HES5: variants seen among roughly 807,000 people sequenced by gnomAD.
The protein encoded by HES5 is hes family bHLH transcription factor 5.
HES5 carries 12 observed loss-of-function variants against 9.6 expected under a neutral mutation model. The observed-to-expected ratio is 1.25, with a 90% CI of 0.80 to 2.03. The LOEUF (loss-of-function observed/expected upper bound fraction) is 2.03. HES5 is among the 30% of genes most tolerant of loss of function. The pLI is 0.00. For synonymous variants in HES5, 131 were observed against 102.4 expected, an observed-to-expected ratio of 1.28 and a Z score of -1.69; for missense variants, 255 against 218.6, an observed-to-expected ratio of 1.17 and a Z score of -1.05.
intron 1 of HES5, 35 bp from the exon 2 acceptor site, chr1:2,530,046 C>CGGCGCAGGGACCCCCGAGGACCGGAG: frequency 1.2e-6 from 2 of 1,601,864 alleles, no homozygotes; most frequent in Non-Finnish European, 1.7e-6. Context: ...TGGCCCGGCA[C>CGGCGCAGGGACCCCCGAGGACCGGAG]GGCGCAGGGA....
chr1:2,530,035 C>G, intron 1 of HES5, 24 bp from the exon 2 acceptor site: 1 of 1,603,140 alleles, frequency 6.2e-7, no homozygotes, highest in Non-Finnish European at 8.5e-7. Flanking sequence ...GGGTGTCAGG[C>G]TGGCCCGGCA....
rs1302318042 is a variant in HES5 at position 2,529,683 on chromosome 1, A to G, written c.287T>C (p.Leu96Pro). 2 of 1,312,156 alleles carry G rather than the reference A, an allele frequency of 1.5e-6. No individual in the cohort carries two copies. The highest frequency in any genetic ancestry group is 3.0e-5 in the Admixed American group (1 of 33,764). 81.3% of individuals were successfully genotyped at this position (1,312,156 alleles called of 1,614,324 possible). The change falls in exon 3 of 3, where the codon CTG becomes CCG. Residue 96 changes from leucine to proline, a missense_variant. Physicochemically the swap from Leu to Pro is moderately conservative, Grantham distance 98. Transcript: ENST00000378453. This position sits in a 1 kb window ranked among gnomAD's most constrained non-coding sequence, Gnocchi z 4.5. ...QDYSEGYSWC[L>P]QEAVQFLTLH... ...CGTCAGGAACTGCACGGCCTCCTGC[A>G]GGCACCACGAGTAGCCTTCGCTGTA...
Position 2,530,194 on chromosome 1 carries a change from G to A in HES5, c.-30C>T. 1 of 1,466,932 alleles carries A rather than the reference G, an allele frequency of 6.8e-7. No individual in the cohort carries two copies. Among genetic ancestry groups the A allele is most frequent in the Non-Finnish European group, 9.1e-7 (1 of 1,103,750 alleles). 90.9% of individuals were successfully genotyped at this position (1,466,932 alleles called of 1,614,324 possible). A position where few individuals can be genotyped will look rare whatever the true frequency, so the allele number is the denominator to read the frequency against. On this transcript the variant is annotated 5_prime_UTR_variant, in exon 1 of 3. Coordinates refer to ENST00000378453, the MANE Select transcript of HES5 (RefSeq NM_001010926.4). ...GGCGCGGAACAGGCGACGAGGCGAC[G>A]CGGGGAGGCCGGGCGAGACGAGGCG...
At position 2,530,193 on chromosome 1, in the gene HES5, C is replaced by G. The variant is rs1187245389; in HGVS notation, c.-29G>C. 5 of 1,463,272 alleles carry G rather than the reference C, an allele frequency of 3.4e-6. No individual in the cohort carries two copies. The highest frequency in any genetic ancestry group is 4.5e-6 in the Non-Finnish European group (5 of 1,101,626). 90.6% of individuals were successfully genotyped at this position (1,463,272 alleles called of 1,614,324 possible). On this transcript the variant is annotated 5_prime_UTR_variant, in exon 1 of 3. Coordinates refer to ENST00000378453, the MANE Select transcript of HES5 (RefSeq NM_001010926.4). ...TGGCGCGGAACAGGCGACGAGGCGA[C>G]GCGGGGAGGCCGGGCGAGACGAGGC...
Position 2,530,127 on chromosome 1 carries a change from G to A in HES5, c.38C>T (p.Pro13Leu). 1 of 1,557,188 alleles carries A rather than the reference G, an allele frequency of 6.4e-7. No individual in the cohort carries two copies. Among genetic ancestry groups the A allele is most frequent in the East Asian group, 2.4e-5 (1 of 41,262 alleles). Residue 13 changes from proline (P) to leucine (L), a missense_variant, in exon 1 of 3, where the codon CCC (proline) becomes CTC (leucine). Physicochemically the swap from Pro to Leu is moderately conservative, Grantham distance 98. Coordinates refer to ENST00000378453, the MANE Select transcript of HES5 (RefSeq NM_001010926.4). ...GGTACTTACTCGGTTTTTCTCTTTG[G>A]GGCTGAGCAGCTCCACGGCCACAGT... ...PSTVAVELLS[P>L]KEKNRLRKPV...
Position 2,530,106 on chromosome 1 carries a change from C to CT in HES5, c.54+4dup. ...GACAGCGCGCCGGGCGAGTCTGGTA[C>CT]TTACTCGGTTTTTCTCTTTGGGGCT... On this transcript the variant is annotated splice_donor_region_variant and intron_variant, in intron 1 of 2. Transcript: ENST00000378453. The CT allele has an allele frequency of 6.3e-7, 1 of 1,580,556 alleles. No individual in the cohort carries two copies. Among genetic ancestry groups the CT allele is most frequent in the Non-Finnish European group, 8.6e-7 (1 of 1,163,986 alleles).
chr1:2,529,219 A>G lies in HES5; in HGVS notation c.*250T>C, dbSNP rs1643971178. On this transcript the variant is annotated 3_prime_UTR_variant, in exon 3 of 3. Coordinates refer to ENST00000378453, the MANE Select transcript of HES5 (RefSeq NM_001010926.4). The surrounding 1 kb of genome is among the most constrained non-coding windows in gnomAD (Gnocchi z 4.5). ...AGAAGTCACTTGCTTAAATGCAAAC[A>G]CAGAACAACCCCATGGGGTCAGACA... 1.1e-5 allele frequency: 2 copies of G among 184,682 alleles called. No homozygotes were observed. The highest frequency in any genetic ancestry group is 4.8e-5 in the African/African-American group (2 of 42,054). 11.4% of individuals were successfully genotyped at this position (184,682 alleles called of 1,614,324 possible).
rs1396496794 is a variant in HES5 at position 2,528,850 on chromosome 1, A to G, written c.*619T>C. 1 of 152,500 alleles carries G rather than the reference A, an allele frequency of 6.6e-6. No homozygotes were observed. Among genetic ancestry groups the G allele is most frequent in the East Asian group, 1.9e-4 (1 of 5,314 alleles). 9.4% of individuals were successfully genotyped at this position (152,500 alleles called of 1,614,324 possible). On this transcript the variant is annotated 3_prime_UTR_variant, in exon 3 of 3. Coordinates refer to ENST00000378453, the MANE Select transcript of HES5 (RefSeq NM_001010926.4). ...TGAGTACAAAGTCGTGCCCACACGC[A>G]TCCACCCACACAGAGGAATCCTTTA...
Position 2,529,549 on chromosome 1 carries a change from G to T in HES5, c.421C>A (p.Pro141Thr). ...GTGGCCTTGGCGGAGAGCGCGGGCG[G>T]GGGCGCGGCGCCCGGCGCCTTGGGC... ...KEPKAPGAAP[P>T]PALSAKATAA... The change falls in exon 3 of 3, where the codon CCG becomes ACG. Residue 141 changes from proline (P) to threonine (T), a missense_variant. By Grantham distance (38) the Pro-to-Thr change is conservative. Coordinates refer to ENST00000378453, the MANE Select transcript of HES5 (RefSeq NM_001010926.4). This position sits in a 1 kb window ranked among gnomAD's most constrained non-coding sequence, Gnocchi z 4.5. The T allele has an allele frequency of 9.3e-7, 1 of 1,072,874 alleles. No homozygotes were observed. Among genetic ancestry groups the T allele is most frequent in the Non-Finnish European group, 1.1e-6 (1 of 884,694 alleles). 66.5% of individuals were successfully genotyped at this position (1,072,874 alleles called of 1,614,324 possible).
chr1:2,529,918 G>A lies in HES5; in HGVS notation c.148C>T (p.His50Tyr). 6.2e-7 allele frequency: 1 copy of A among 1,607,298 alleles called. No homozygotes were observed. The highest frequency in any genetic ancestry group is 8.5e-7 in the Non-Finnish European group (1 of 1,177,390). The change falls in exon 2 of 3, where the codon CAC (histidine) becomes TAC (tyrosine). Residue 50 changes from histidine (H) to tyrosine (Y), a missense_variant. His to Tyr is a moderately conservative substitution (Grantham distance 83). Coordinates refer to ENST00000378453, the MANE Select transcript of HES5 (RefSeq NM_001010926.4). This position sits in a 1 kb window ranked among gnomAD's most constrained non-coding sequence, Gnocchi z 4.5. Reference protein sequence around the residue: ...KLLLEQEFARHQPNSKLEKAD... With the variant: ...KLLLEQEFARYQPNSKLEKAD... The stretch of plus-strand genomic sequence containing the variant: ...TTCTCCAGCTTGGAGTTGGGCTGGT[G>A]CCGCGCGAACTCCTGCTCCAGCAGC...
rs1643974778 is a variant in HES5, at chr1:2,529,437, C to T, written c.*32G>A. 9.4e-7 allele frequency: 1 copy of T among 1,066,360 alleles called. No individual in the cohort carries two copies. Among genetic ancestry groups the T allele is most frequent in the Non-Finnish European group, 1.1e-6 (1 of 882,544 alleles). The allele number at this position is 1,066,360 out of a possible 1,614,324, so 66.1% of individuals were successfully genotyped here. On this transcript the variant is annotated 3_prime_UTR_variant, in exon 3 of 3. Transcript: ENST00000378453. The surrounding 1 kb of genome is among the most constrained non-coding windows in gnomAD (Gnocchi z 4.5). ...GAGAGGAGCAGGCTCGCCCTCTGGT[C>T]GTCGGGCCGCGCGCCCGCAGGTCCC...
At position 2,530,119 on chromosome 1, in the gene HES5, T is replaced by A; in HGVS notation, c.46A>T (p.Lys16Ter). ...VAVELLSPKE[K>*]NRLRKPVVEK... The stretch of plus-strand genomic sequence containing the variant: ...GCGAGTCTGGTACTTACTCGGTTTT[T>A]CTCTTTGGGGCTGAGCAGCTCCACG... Residue 16 changes from lysine (K) to a stop codon, truncating the protein, a stop_gained, in exon 1 of 3, where the codon AAA (lysine) becomes TAA (stop). Transcript: ENST00000378453. LOFTEE classifies it high-confidence loss of function. 7.0e-6 allele frequency: 11 copies of A among 1,566,840 alleles called. No homozygotes were observed. The highest frequency in any genetic ancestry group is 9.5e-6 in the Non-Finnish European group (11 of 1,156,688).
At position 2,530,129 on chromosome 1, in the gene HES5, G is replaced by T; in HGVS notation, c.36C>A (p.Ser12Arg). The T allele has an allele frequency of 6.4e-7, 1 of 1,555,866 alleles. No homozygotes were observed. Among genetic ancestry groups the T allele is most frequent in the African/African-American group, 1.4e-5 (1 of 73,156 alleles). ...APSTVAVELL[S>R]PKEKNRLRKP... ...TACTTACTCGGTTTTTCTCTTTGGG[G>T]CTGAGCAGCTCCACGGCCACAGTGC... The change falls in exon 1 of 3, where the codon AGC becomes AGA. Residue 12 changes from serine to arginine, a missense_variant. Transcript: ENST00000378453.
rs545323842 is a variant in HES5 at position 2,529,355 on chromosome 1, A to G, written c.*114T>C. The G allele has an allele frequency of 1.0e-6, 1 of 956,290 alleles. No individual in the cohort carries two copies. The highest frequency in any genetic ancestry group is 1.1e-4 in the East Asian group (1 of 9,024). The allele number at this position is 956,290 out of a possible 1,614,324, so 59.2% of individuals were successfully genotyped here. A position where few individuals can be genotyped will look rare whatever the true frequency, so the allele number is the denominator to read the frequency against. ...CCAGCTTGGGGCCAGAGCCTTCCGG[A>G]GAAGGGCGCGTCCAAGCCCGGGGCG... On this transcript the variant is annotated 3_prime_UTR_variant, in exon 3 of 3. Coordinates refer to ENST00000378453, the MANE Select transcript of HES5 (RefSeq NM_001010926.4). This position sits in a 1 kb window ranked among gnomAD's most constrained non-coding sequence, Gnocchi z 4.5.
Position 2,529,686 on chromosome 1 carries a change from C to A in HES5, c.284G>T (p.Cys95Phe). Residue 95 changes from cysteine (C) to phenylalanine (F), a missense_variant, in exon 3 of 3, where the codon TGC becomes TTC. By Grantham distance (205) the Cys-to-Phe change is radical. Coordinates refer to ENST00000378453, the MANE Select transcript of HES5 (RefSeq NM_001010926.4). The surrounding 1 kb of genome is among the most constrained non-coding windows in gnomAD (Gnocchi z 4.5). ...HQDYSEGYSW[C>F]LQEAVQFLTL... ...CAGGAACTGCACGGCCTCCTGCAGG[C>A]ACCACGAGTAGCCTTCGCTGTAGTC... 7.6e-7 allele frequency: 1 copy of A among 1,313,992 alleles called. No individual in the cohort carries two copies. The highest frequency in any genetic ancestry group is 9.8e-7 in the Non-Finnish European group (1 of 1,016,482). 81.4% of individuals were successfully genotyped at this position (1,313,992 alleles called of 1,614,324 possible). A position where few individuals can be genotyped will look rare whatever the true frequency, so the allele number is the denominator to read the frequency against.
Position 2,529,776 on chromosome 1 carries a change from C to A in HES5, c.221-27G>T. The A allele has an allele frequency of 1.6e-6, 2 of 1,241,732 alleles. No homozygotes were observed. The highest frequency in any genetic ancestry group is 3.6e-5 in the South Asian group (1 of 27,524). 76.9% of individuals were successfully genotyped at this position (1,241,732 alleles called of 1,614,324 possible). ...TGCGGGGAGACGCGGCGGCGGTGAG[C>A]GGGCGGCGGGGCGCGGGGGAGCCGG... On this transcript the variant is annotated intron_variant, in intron 2 of 2. Coordinates refer to ENST00000378453, the MANE Select transcript of HES5 (RefSeq NM_001010926.4). This position sits in a 1 kb window ranked among gnomAD's most constrained non-coding sequence, Gnocchi z 4.5.
chr1:2,529,516 CGGCGGCGGT>C lies in HES5; in HGVS notation c.445_453del (p.Thr149_Ala151del), dbSNP rs1314798787. On this transcript the variant is annotated inframe_deletion, in exon 3 of 3. Coordinates refer to ENST00000378453, the MANE Select transcript of HES5 (RefSeq NM_001010926.4). This position sits in a 1 kb window ranked among gnomAD's most constrained non-coding sequence, Gnocchi z 4.5. ...CAGGCGGGCTGGTGCGCGGCGGCGG[CGGCGGCGGT>C]GGCCTTGGCGGAGAGCGCGGGCGGG... 1.9e-6 allele frequency: 2 copies of C among 1,061,000 alleles called. No individual in the cohort carries two copies. The highest frequency in any genetic ancestry group is 5.6e-5 in the Admixed American group (1 of 18,010). The allele number at this position is 1,061,000 out of a possible 1,614,324, so 65.7% of individuals were successfully genotyped here.
rs1472179441 is a variant in HES5 at position 2,529,823 on chromosome 1, G to T, written c.220+23C>A. 3 of 1,391,914 alleles carry T rather than the reference G, an allele frequency of 2.2e-6. No homozygotes were observed. The Admixed American group carries it at 7.1e-5, about 33-fold the overall frequency. The allele number at this position is 1,391,914 out of a possible 1,614,324, so 86.2% of individuals were successfully genotyped here. A position where few individuals can be genotyped will look rare whatever the true frequency, so the allele number is the denominator to read the frequency against. ...CCGGGGCGCGGTGGGAACTCGGGGC[G>T]CGGGGGGCCCGGGCGCGCTCACCTT... On this transcript the variant is annotated intron_variant, in intron 2 of 2. Coordinates refer to ENST00000378453, the MANE Select transcript of HES5 (RefSeq NM_001010926.4). This position sits in a 1 kb window ranked among gnomAD's most constrained non-coding sequence, Gnocchi z 4.5.
In HES5 at chr1:2,529,628, C is replaced by A; in HGVS notation, c.342G>T (p.Lys114Asn). 1 of 1,304,852 alleles carries A rather than the reference C, an allele frequency of 7.7e-7. No homozygotes were observed. Among genetic ancestry groups the A allele is most frequent in the Non-Finnish European group, 9.9e-7 (1 of 1,007,326 alleles). The allele number at this position is 1,304,852 out of a possible 1,614,324, so 80.8% of individuals were successfully genotyped here. A position where few individuals can be genotyped will look rare whatever the true frequency, so the allele number is the denominator to read the frequency against. ...GGGGCCGCTGGAAGTGGTACAGCAG[C>A]TTCATCTGCGTGTCGCTGGCGGCGT... is the stretch of plus-strand genomic sequence containing the variant. ...TLHAASDTQM[K>N]LLYHFQRPPA... The change falls in exon 3 of 3, where the codon AAG becomes AAT. Residue 114 changes from lysine (K) to asparagine (N), a missense_variant. Coordinates refer to ENST00000378453, the MANE Select transcript of HES5 (RefSeq NM_001010926.4). This position sits in a 1 kb window ranked among gnomAD's most constrained non-coding sequence, Gnocchi z 4.5.
Sources: gnomAD v4.1 joint callset for allele counts on GRCh38, gnomAD v4.1.1 for gene constraint, Gnocchi (gnomAD v3.1) non-coding constraint, MANE v1.5 for transcripts, NCBI Gene and HGNC (gene_info 2026-07-23, HGNC 2026-07-21) for gene names.